Variants in ZNF473 observed in about 807,000 individuals in gnomAD.
ZNF473 encodes the protein zinc finger protein 100 homolog.
A neutral mutation model predicts 11.1 loss-of-function variants in ZNF473; 4 were observed. The observed-to-expected ratio is 0.36, with a 90% confidence interval of 0.18 to 0.82. The LOEUF is 0.82. ZNF473 is among the 40% of genes least tolerant of loss of function. ZNF473 has a pLI of 0.49. For synonymous variants in ZNF473, 404 were observed against 390.4 expected (o/e 1.03, Z -0.41); for missense variants, 854 against 1,084.0 (o/e 0.79, Z 2.98).
chr19:50,037,823 GCT>G (rs910234545), intron 2 of ZNF473, among the ~76,000 whole-genome samples: 2 of 146,174 alleles, frequency 1.4e-5, no homozygotes, highest in Admixed American at 6.7e-5. Flanking sequence ...TCTCTCGCTC[GCT>G]CTCTCTCTCT....
chr19:50,047,277 G>A lies in ZNF473; in HGVS notation c.*218G>A. ...AGGCTCTGGAGCCAGTCTACCTTGA[G>A]TTAAATCCCACCTCTGCCATCTACT... On this transcript the variant is annotated 3_prime_UTR_variant, in exon 5 of 5. Transcript: ENST00000270617. The A allele has an allele frequency of 1.9e-6, 1 of 517,902 alleles. No homozygotes were observed. Among genetic ancestry groups the A allele is most frequent in the South Asian group, 2.5e-5 (1 of 40,448 alleles). 32.1% of individuals were successfully genotyped at this position (517,902 alleles called of 1,614,324 possible).
At position 50,045,020 on chromosome 19, in the gene ZNF473, T is replaced by C; in HGVS notation, c.577T>C (p.Tyr193His). Residue 193 changes from tyrosine to histidine, a missense_variant, in exon 5 of 5, where the codon TAC (tyrosine) becomes CAC (histidine). Tyr to His is a moderately conservative substitution (Grantham distance 83). Transcript: ENST00000270617. ...SKEYRGEFFS[Y>H]SDHSQQDSVQ... ...GGAATATAGGGGTGAGTTTTTCTCC[T>C]ACTCCGACCACAGCCAGCAGGATTC... 1.2e-6 allele frequency: 2 copies of C among 1,614,226 alleles called. No homozygotes were observed. Among genetic ancestry groups the C allele is most frequent in the Non-Finnish European group, 1.7e-6 (2 of 1,180,040 alleles).
rs939365886 is a variant in ZNF473 at position 50,031,064 on chromosome 19, T to C, written c.-19T>C. On this transcript the variant is annotated 5_prime_UTR_variant, in exon 2 of 5. Coordinates refer to ENST00000270617, the MANE Select transcript of ZNF473 (RefSeq NM_015428.4). ...GAAGGAGGAGGAGCTTAAAAGAGGCTACTGAACCCCAGTTGGCCATGGCTG... is the reference window on the plus strand; with the variant it reads ...GAAGGAGGAGGAGCTTAAAAGAGGCCACTGAACCCCAGTTGGCCATGGCTG... The C allele has an allele frequency of 1.5e-5, 24 of 1,565,442 alleles. No homozygotes were observed. The East Asian group carries it at 2.1e-4, about 14-fold the overall frequency.
At chr19:50,028,680 A>G (rs2077300869) in intron 1 of ZNF473, among the ~76,000 whole-genome samples, 2 of 152,156 alleles carry the variant, frequency 1.3e-5, no homozygotes, top group Admixed American at 1.3e-4. Context: ...TGTAGACCCA[A>G]TGTTGCCAAA....
At position 50,047,195 on chromosome 19, in the gene ZNF473, A is replaced by G. The variant is rs529783726; in HGVS notation, c.*136A>G. On this transcript the variant is annotated 3_prime_UTR_variant, in exon 5 of 5. Coordinates refer to ENST00000270617, the MANE Select transcript of ZNF473 (RefSeq NM_015428.4). ...TAGAAAGTTTGTGCGCATGTTTTTC[A>G]TTATAACAATGAAAACACAAAAGTG... 8 of 789,832 alleles carry G rather than the reference A, an allele frequency of 1.0e-5. No individual in the cohort carries two copies. Among genetic ancestry groups the G allele is most frequent in the Middle Eastern group, 3.8e-4 (1 of 2,654 alleles). The allele number at this position is 789,832 out of a possible 1,614,324, so 48.9% of individuals were successfully genotyped here.
intron 2 of ZNF473, among the ~76,000 whole-genome samples, chr19:50,034,910 A>G (rs181452882): frequency 6.6e-6 from 1 of 152,238 alleles, no homozygotes; most frequent in East Asian, 1.9e-4. Flanking sequence ...GCAGATAGTG[A>G]TGCTTTCTGC....
rs1979246905 is a variant in ZNF473, at chr19:50,048,141, T to C, written c.*1082T>C. 1.3e-5 allele frequency: 2 copies of C among 152,212 alleles called. No homozygotes were observed. Among genetic ancestry groups the C allele is most frequent in the African/African-American group, 2.4e-5 (1 of 41,448 alleles). 9.4% of individuals were successfully genotyped at this position (152,212 alleles called of 1,614,324 possible). ...TCGACGATTGCTGTTAGTTGACAAGTGACATCTTGAAAATGCCACATTCCC... is the reference window on the plus strand; with the variant it reads ...TCGACGATTGCTGTTAGTTGACAAGCGACATCTTGAAAATGCCACATTCCC... On this transcript the variant is annotated 3_prime_UTR_variant, in exon 5 of 5. Transcript: ENST00000270617.
intron 4 of ZNF473, chr19:50,042,734 G>A (rs1978844569): frequency 6.6e-6 from 1 of 152,158 alleles, no homozygotes; most frequent in Non-Finnish European, 1.5e-5. Flanking sequence ...TTGGAAGCAG[G>A]GCTTAGCTGA....
At chr19:50,041,689 C>T (rs202222675) in intron 3 of ZNF473, 41 bp from the exon 4 acceptor site, 690 of 1,552,308 alleles carry the variant, frequency 4.4e-4, no homozygotes, top group Non-Finnish European at 4.6e-4. Context: ...GGATGGTCCT[C>T]CATGTCCTGG....
At chr19:50,038,913 C>A (rs750708803) in intron 2 of ZNF473, among the ~76,000 whole-genome samples, 2 of 152,212 alleles carry the variant, frequency 1.3e-5, no homozygotes, top group Non-Finnish European at 2.9e-5. Context: ...TCAGGCAGAC[C>A]TGGGTTCAGT....
Position 50,045,493 on chromosome 19 carries a change from C to G in ZNF473, c.1050C>G (p.Ser350=). 6.2e-7 allele frequency: 1 copy of G among 1,614,192 alleles called. No individual in the cohort carries two copies. The highest frequency in any genetic ancestry group is 8.5e-7 in the Non-Finnish European group (1 of 1,180,024). ...ACACTCGGAAACGCTATGAGTGTTC[C>G]AAGTGCCAGGCGACCTTCAACTTGA... ...KIHTRKRYEC[S]KCQATFNLRK... is the part of the protein sequence containing the mutation. Residue 350 remains serine (S), a synonymous_variant, in exon 5 of 5, where the codon TCC becomes TCG. Coordinates refer to ENST00000270617, the MANE Select transcript of ZNF473 (RefSeq NM_015428.4).
Position 50,041,712 on chromosome 19 carries a change from G to A in ZNF473, c.137-18G>A, listed in dbSNP as rs775145321. 6.9e-6 allele frequency: 11 copies of A among 1,590,002 alleles called. No individual in the cohort carries two copies. The highest frequency in any genetic ancestry group is 1.4e-5 in the African/African-American group (1 of 73,490). On this transcript the variant is annotated intron_variant, in intron 3 of 4. Transcript: ENST00000270617. ...CTCCATGTCCTGGTTGGGTGACAAT[G>A]CTTTTCTCTCCCTGCAGACCCCCCA...
intron 2 of ZNF473, among the ~76,000 whole-genome samples, chr19:50,032,326 G>A (rs1198918723): frequency 2.0e-5 from 3 of 151,644 alleles, no homozygotes; most frequent in African/African-American, 7.3e-5. Context: ...ACCAGAAATT[G>A]ACTTACGCAG....
rs1411019414 is a variant in ZNF473, at chr19:50,039,703, A to T, written c.136+416A>T. 4.6e-5 allele frequency among the ~76,000 whole-genome samples: 7 copies of T among 152,254 alleles called. No homozygotes were observed. The highest frequency in any genetic ancestry group is 8.8e-5 in the Non-Finnish European group (6 of 68,050). The stretch of plus-strand genomic sequence containing the variant: ...TCAAGCTGATACTTCAAAGTCTTCC[A>T]GTTGCCCTCCCCTCTGCCTAAGCGG... On this transcript the variant is annotated intron_variant, in intron 3 of 4. Transcript: ENST00000270617. This position sits in a 1 kb window ranked among gnomAD's most constrained non-coding sequence, Gnocchi z 4.8.
chr19:50,035,086 G>T (rs1344968727), intron 2 of ZNF473, among the ~76,000 whole-genome samples: 1 of 152,154 alleles, frequency 6.6e-6, no homozygotes, highest in South Asian at 2.1e-4. Context: ...GAGCTCAGGA[G>T]TTCAAGATCA....
intron 2 of ZNF473, among the ~76,000 whole-genome samples, chr19:50,032,664 T>G (rs2077324064): frequency 6.6e-6 from 1 of 152,156 alleles, no homozygotes; most frequent in South Asian, 2.1e-4. Flanking sequence ...TGTAACAAAG[T>G]ACCACACACT....
chr19:50,026,479 A>AG, intron 1 of ZNF473, among the ~76,000 whole-genome samples: 1 of 150,272 alleles, frequency 6.7e-6, no homozygotes, highest in African/African-American at 2.5e-5. Context: ...TGAACCCAGG[A>AG]GCTGGAGGTT....
intron 2 of ZNF473, among the ~76,000 whole-genome samples, chr19:50,035,551 G>GTTAAATCTCAT (rs924933249): frequency 1.3e-5 from 2 of 150,640 alleles, no homozygotes; most frequent in African/African-American, 4.9e-5. Context: ...ACACACCCAG[G>GTTAAATCTCAT]TTAAATCTCA....
In ZNF473 at chr19:50,046,058, A is replaced by G; in HGVS notation, c.1615A>G (p.Arg539Gly). 1 of 1,614,252 alleles carries G rather than the reference A, an allele frequency of 6.2e-7. No homozygotes were observed. Among genetic ancestry groups the G allele is most frequent in the South Asian group, 1.1e-5 (1 of 91,086 alleles). The change falls in exon 5 of 5, where the codon AGA (arginine) becomes GGA (glycine). Residue 539 changes from arginine (R) to glycine (G), a missense_variant. By Grantham distance (125) the Arg-to-Gly change is moderately radical. Transcript: ENST00000270617. The surrounding 1 kb of genome is among the most constrained non-coding windows in gnomAD (Gnocchi z 5.9). Reference protein sequence around the residue: ...TLKCHESVHAREKQGFFVSGK... With the variant: ...TLKCHESVHAGEKQGFFVSGK... Reference sequence around the variant, plus strand: ...GAAGTGCCACGAGAGTGTTCACGCCAGAGAAAAACAAGGATTTTTTGTGAG... The same window carrying G: ...GAAGTGCCACGAGAGTGTTCACGCCGGAGAAAAACAAGGATTTTTTGTGAG...
Sources: gnomAD v4.1 joint callset for allele counts (sites outside exome capture counted in the v4.1 genomes callset) on GRCh38, gnomAD v4.1.1 for gene constraint, Gnocchi (gnomAD v3.1) non-coding constraint, MANE v1.5 for transcripts, NCBI Gene and HGNC (gene_info 2026-07-23, HGNC 2026-07-21) for gene names.